The following EFNA5 variants were observed in gnomAD, a reference collection of about 807,000 sequenced individuals.
The protein encoded by EFNA5 is ephrin-A5.
EFNA5 carries 5 observed loss-of-function variants against 22.9 expected under a neutral mutation model. The observed-to-expected ratio is 0.22, with a 90% CI of 0.11 to 0.46. The LOEUF (loss-of-function observed/expected upper bound fraction) is 0.46, where lower values mean the gene tolerates loss of function less well. Ranked by LOEUF, EFNA5 falls within the 20% of genes least tolerant of loss-of-function variation. The probability of loss-of-function intolerance (pLI) is 0.99; values close to 1 mark genes in which losing one functional copy is unlikely to be tolerated. For missense variants in EFNA5, 237 were observed against 293.3 expected (o/e 0.81, Z 1.40); for synonymous variants, 113 against 112.2 (o/e 1.01, Z -0.04).
intron 1 of EFNA5, among the ~76,000 whole-genome samples, chr5:107,642,817 T>C (rs1430329095): frequency 6.6e-6 from 1 of 152,066 alleles, no homozygotes; most frequent in Non-Finnish European, 1.5e-5. Flanking sequence ...GGGATCACTT[T>C]AAACAGAGTT....
chr5:107,667,020 T>C (rs1751091729), intron 1 of EFNA5, among the ~76,000 whole-genome samples: 1 of 152,128 alleles, frequency 6.6e-6, no homozygotes, highest in African/African-American at 2.4e-5. Context: ...ATATTCTTCT[T>C]GATGTGGATT....
At position 107,379,719 on chromosome 5, in the gene EFNA5, C is replaced by T. The variant is rs1238342323; in HGVS notation, c.*1536G>A. On this transcript the variant is annotated 3_prime_UTR_variant, in exon 5 of 5. Coordinates refer to ENST00000333274, the MANE Select transcript of EFNA5 (RefSeq NM_001962.3). ...TCCCCTGTTGGCCATGCTAAGATTCCTTCAACAGGGTCATCCTGCATTTAT... is the reference window on the plus strand; with the variant it reads ...TCCCCTGTTGGCCATGCTAAGATTCTTTCAACAGGGTCATCCTGCATTTAT... 1 of 152,112 alleles carries T rather than the reference C, an allele frequency of 6.6e-6. No homozygotes were observed. The highest frequency in any genetic ancestry group is 1.5e-5 in the Non-Finnish European group (1 of 68,018). 9.4% of individuals were successfully genotyped at this position (152,112 alleles called of 1,614,324 possible). A position where few individuals can be genotyped will look rare whatever the true frequency, so the allele number is the denominator to read the frequency against.
At chr5:107,571,400 TGTCG>T (rs1041557289) in intron 1 of EFNA5, among the ~76,000 whole-genome samples, 25 of 152,252 alleles carry the variant, frequency 1.6e-4, no homozygotes, top group Admixed American at 8.5e-4. Flanking sequence ...GATGGCTCGC[TGTCG>T]GGGAAAAACA....
intron 1 of EFNA5, among the ~76,000 whole-genome samples, chr5:107,635,304 T>A (rs887122855): frequency 3.3e-5 from 5 of 152,254 alleles, no homozygotes; most frequent in Non-Finnish European, 7.3e-5. Context: ...CTCCTTATAA[T>A]TTTTAGCCCA....
intron 1 of EFNA5, among the ~76,000 whole-genome samples, chr5:107,508,935 T>C (rs1028935238): frequency 6.6e-6 from 1 of 152,196 alleles, no homozygotes; most frequent in Non-Finnish European, 1.5e-5. Flanking sequence ...TCCTTTATTG[T>C]ATTGCAGTTA....
At chr5:107,480,611 A>T (rs1750431670) in intron 1 of EFNA5, among the ~76,000 whole-genome samples, 1 of 152,304 alleles carries the variant, frequency 6.6e-6, no homozygotes, top group Non-Finnish European at 1.5e-5. Flanking sequence ...CAATACACCA[A>T]TTACGTGAAT....
chr5:107,592,331 C>T (rs989205555), intron 1 of EFNA5, among the ~76,000 whole-genome samples: 5 of 151,504 alleles, frequency 3.3e-5, no homozygotes, highest in African/African-American at 9.7e-5. Flanking sequence ...TCAATCTCCA[C>T]TAAATCACAG....
intron 2 of EFNA5, among the ~76,000 whole-genome samples, chr5:107,412,416 G>C (rs913872623): frequency 1.3e-5 from 2 of 152,114 alleles, no homozygotes; most frequent in African/African-American, 4.8e-5. Flanking sequence ...AAAGCACTTT[G>C]GCAGTCAATC....
chr5:107,421,001 CT>C (rs1748643068), intron 2 of EFNA5, among the ~76,000 whole-genome samples: 1 of 152,096 alleles, frequency 6.6e-6, no homozygotes, highest in Non-Finnish European at 1.5e-5. Context: ...CAAATTAGTT[CT>C]GTTTTACTAG....
chr5:107,670,446 C>G (rs924442456), intron 1 of EFNA5, 43 bp downstream of exon 1: 8 of 1,529,008 alleles, frequency 5.2e-6, no homozygotes, highest in Non-Finnish European at 7.0e-6. Flanking sequence ...CGCAGGGCCC[C>G]GAGGCCCGGG....
intron 1 of EFNA5, among the ~76,000 whole-genome samples, chr5:107,666,354 C>T (rs1751066454): frequency 6.6e-6 from 1 of 152,082 alleles, no homozygotes; most frequent in Non-Finnish European, 1.5e-5. Context: ...TCTTCTTAGC[C>T]ACATACATTT....
chr5:107,559,024 C>T (rs888934607), intron 1 of EFNA5, among the ~76,000 whole-genome samples: 9 of 152,252 alleles, frequency 5.9e-5, no homozygotes, highest in African/African-American at 1.9e-4. Context: ...GCCAGATGGG[C>T]GCTTAGATGA....
chr5:107,524,967 T>C (rs1283605117), intron 1 of EFNA5, among the ~76,000 whole-genome samples: 2 of 152,228 alleles, frequency 1.3e-5, no homozygotes, highest in African/African-American at 4.8e-5. Flanking sequence ...AGATTAGGCA[T>C]ATATGTTTAT....
At chr5:107,581,978 T>A (rs922145053) in intron 1 of EFNA5, among the ~76,000 whole-genome samples, 3 of 152,142 alleles carry the variant, frequency 2.0e-5, no homozygotes, top group Admixed American at 6.5e-5. Flanking sequence ...CAAACTTCTA[T>A]CTCTACAAAG....
chr5:107,393,333 C>G (rs1747835406), intron 2 of EFNA5, among the ~76,000 whole-genome samples: 1 of 152,178 alleles, frequency 6.6e-6, no homozygotes, highest in South Asian at 2.1e-4. Context: ...AGGTAACAAC[C>G]ATTCTTCTTC....
chr5:107,525,544 A>G (rs1345408774), intron 1 of EFNA5, among the ~76,000 whole-genome samples: 1 of 152,214 alleles, frequency 6.6e-6, no homozygotes, highest in Non-Finnish European at 1.5e-5. Context: ...CAATTAACAC[A>G]TATTGTATTT....
Position 107,399,314 on chromosome 5 carries a change from GAAACGGA to G in EFNA5, c.419-11550_419-11544del, listed in dbSNP as rs1301573326. Among the ~76,000 whole-genome samples the G allele has an allele frequency of 9.5e-3, 1,338 of 140,272 alleles. 20 individuals are homozygous for G. Among genetic ancestry groups the G allele is most frequent in the African/African-American group, 0.033 (1,241 of 37,566 alleles). 92.0% of individuals were successfully genotyped at this position (140,272 alleles called of 152,430 possible). On this transcript the variant is annotated intron_variant, in intron 2 of 4. Transcript: ENST00000333274. ...CTAAAGAAGGAAGGAAGGAAGGAAG[GAAACGGA>G]AAGGAAAGGAAAGGAAAGGAAAGGA...
At chr5:107,535,434 A>C (rs1747910844) in intron 1 of EFNA5, among the ~76,000 whole-genome samples, 1 of 152,222 alleles carries the variant, frequency 6.6e-6, no homozygotes, top group African/African-American at 2.4e-5. Flanking sequence ...GACTATGATG[A>C]TCTAAAGAAC....
intron 2 of EFNA5, among the ~76,000 whole-genome samples, chr5:107,398,933 A>G (rs188651860): frequency 1.3e-5 from 2 of 152,052 alleles, no homozygotes; most frequent in East Asian, 3.9e-4. Flanking sequence ...TAGGATTAGG[A>G]CACAAAAGTG....
Sources: gnomAD v4.1 joint callset for allele counts (sites outside exome capture counted in the v4.1 genomes callset) on GRCh38, gnomAD v4.1.1 for gene constraint, MANE v1.5 for transcripts, NCBI Gene and HGNC (gene_info 2026-07-23, HGNC 2026-07-21) for gene names.